ANK3: variants seen among roughly 807,000 people sequenced by gnomAD.
ANK3 encodes ankyrin-3.
ANK3 carries 57 observed loss-of-function variants against 370.9 expected under a neutral mutation model. The observed-to-expected ratio is 0.15, with a 90% CI of 0.12 to 0.19. The LOEUF (loss-of-function observed/expected upper bound fraction) is 0.19, where lower values mean the gene tolerates loss of function less well. ANK3 is among the 10% of genes least tolerant of loss of function. The pLI is 1.00. For synonymous variants in ANK3, 1,929 were observed against 1,946.3 expected (o/e 0.99, Z 0.23); for missense variants, 4,439 against 5,302.1 (o/e 0.84, Z 5.06).
chr10:60,460,304 G>A (rs1160806394), intron 2 of ANK3, among the ~76,000 whole-genome samples: 1 of 152,164 alleles, frequency 6.6e-6, no homozygotes, highest in Non-Finnish European at 1.5e-5. Flanking sequence ...CTGATGAAGA[G>A]GCCAGAAAGG....
chr10:60,321,389 AAAGAG>A (rs1268904928), intron 1 of ANK3, among the ~76,000 whole-genome samples: 1 of 61,248 alleles, frequency 1.6e-5, no homozygotes, highest in Non-Finnish European at 4.0e-5. Context: ...AGAAAAAAGA[AAAGAG>A]AAGAGAAGAA....
chr10:60,489,702 C>A (rs1177726672), intron 2 of ANK3, among the ~76,000 whole-genome samples: 1 of 152,066 alleles, frequency 6.6e-6, no homozygotes, highest in Admixed American at 6.6e-5. Context: ...TTTTTACAGT[C>A]ATATTTGCAT....
chr10:60,589,235 G>A (rs989884101), intron 2 of ANK3, among the ~76,000 whole-genome samples: 2 of 152,084 alleles, frequency 1.3e-5, no homozygotes, highest in African/African-American at 2.4e-5. Context: ...AAGAAATTAG[G>A]TACCAGTTAA....
At chr10:60,586,521 G>A (rs2077833923) in intron 2 of ANK3, among the ~76,000 whole-genome samples, 1 of 152,142 alleles carries the variant, frequency 6.6e-6, no homozygotes, top group African/African-American at 2.4e-5. Flanking sequence ...GTAACCAACT[G>A]AGACTTTGGA....
intron 2 of ANK3, among the ~76,000 whole-genome samples, chr10:60,460,829 A>G (rs750529165): frequency 2.6e-5 from 4 of 152,190 alleles, no homozygotes; most frequent in Non-Finnish European, 5.9e-5. Flanking sequence ...ATTATTGCTG[A>G]ATTTTATTAA....
intron 1 of ANK3, among the ~76,000 whole-genome samples, chr10:60,334,742 T>A (rs2052370628): frequency 6.6e-6 from 1 of 152,228 alleles, no homozygotes; most frequent in African/African-American, 2.4e-5. Flanking sequence ...AAGAGCCCAG[T>A]ACAGTCCCCT....
chr10:60,401,376 G>T (rs974740313), intron 2 of ANK3, among the ~76,000 whole-genome samples: 1 of 152,148 alleles, frequency 6.6e-6, no homozygotes, highest in African/African-American at 2.4e-5. Flanking sequence ...AGAGTGCAAA[G>T]ATCATGTTAA....
intron 1 of ANK3, among the ~76,000 whole-genome samples, chr10:60,303,614 AAG>A (rs1223489307): frequency 6.6e-6 from 1 of 152,188 alleles, no homozygotes; most frequent in Non-Finnish European, 1.5e-5. Flanking sequence ...ATGCAGAGAA[AAG>A]AGAACCCTGG....
chr10:60,349,105 G>A (rs1030525192), intron 1 of ANK3, among the ~76,000 whole-genome samples: 3 of 152,112 alleles, frequency 2.0e-5, no homozygotes, highest in Non-Finnish European at 4.4e-5. Context: ...CATCAGTACC[G>A]CCACAACTTA....
intron 2 of ANK3, among the ~76,000 whole-genome samples, chr10:60,446,192 T>A (rs548442356): frequency 2.3e-4 from 35 of 152,316 alleles, no homozygotes; most frequent in Middle Eastern, 6.8e-3. Flanking sequence ...CGAAGAGGTA[T>A]ATTTTAAAGA....
intron 1 of ANK3, among the ~76,000 whole-genome samples, chr10:60,322,292 A>G (rs1164567247): frequency 6.6e-6 from 1 of 152,166 alleles, no homozygotes; most frequent in Non-Finnish European, 1.5e-5. Context: ...GTCAAATAAG[A>G]TCACTAAAAT....
At chr10:60,406,574 C>T (rs963586172) in intron 2 of ANK3, among the ~76,000 whole-genome samples, 4 of 152,148 alleles carry the variant, frequency 2.6e-5, no homozygotes, top group Admixed American at 2.6e-4. Context: ...GAAGCATAGG[C>T]AGTAATGCTG....
chr10:60,155,741 A>G (rs979105893), intron 23 of ANK3, among the ~76,000 whole-genome samples: 1 of 152,218 alleles, frequency 6.6e-6, no homozygotes, highest in African/African-American at 2.4e-5. Flanking sequence ...AAAAGCAGGT[A>G]GAAGAACACA....
intron 14 of ANK3, 138 bp downstream of exon 14, chr10:60,198,202 G>T (rs1035746584): frequency 2.4e-6 from 2 of 832,382 alleles, no homozygotes; most frequent in East Asian, 2.7e-5. Context: ...ACAGAGCTTT[G>T]CTGGCCATAT....
At chr10:60,472,977 G>C (rs192684072) in intron 2 of ANK3, among the ~76,000 whole-genome samples, 1 of 152,082 alleles carries the variant, frequency 6.6e-6, no homozygotes, top group Admixed American at 6.6e-5. Flanking sequence ...CAGTTCCCCC[G>C]TCCTTCCCCA....
At chr10:60,293,291 C>A (rs553898628) in intron 1 of ANK3, among the ~76,000 whole-genome samples, 1 of 152,148 alleles carries the variant, frequency 6.6e-6, no homozygotes, top group African/African-American at 2.4e-5. Flanking sequence ...CATTTACATA[C>A]ATACCCTCGG....
intron 16 of ANK3, among the ~76,000 whole-genome samples, chr10:60,188,839 G>T (rs1246185595): frequency 6.6e-6 from 1 of 152,148 alleles, no homozygotes. Flanking sequence ...GCCCTCTGCT[G>T]GGACACACCC....
At chr10:60,126,483 TGA>T in intron 25 of ANK3, among the ~76,000 whole-genome samples, 1 of 152,014 alleles carries the variant, frequency 6.6e-6, no homozygotes, top group East Asian at 1.9e-4. Context: ...GCCAGGAGTT[TGA>T]GACCAACCTG....
chr10:60,068,011 T>C lies in ANK3; in HGVS notation c.12245-2A>G. Reference sequence around the variant, plus strand: ...TCCGTTCACATGGACTCTGTGGACCTACGATTTACAATTTCTTAATTAAAA... The same window carrying C: ...TCCGTTCACATGGACTCTGTGGACCCACGATTTACAATTTCTTAATTAAAA... On this transcript the variant is annotated splice_acceptor_variant, in intron 37 of 43. Coordinates refer to ENST00000280772, the MANE Select transcript of ANK3 (RefSeq NM_020987.5). LOFTEE classifies it high-confidence loss of function. 6.2e-7 allele frequency: 1 copy of C among 1,601,244 alleles called. No homozygotes were observed. Among genetic ancestry groups the C allele is most frequent in the Non-Finnish European group, 8.5e-7 (1 of 1,169,836 alleles).
Sources: allele counts gnomAD v4.1 joint callset (sites outside exome capture counted in the v4.1 genomes callset), GRCh38; gene constraint gnomAD v4.1.1; transcripts MANE v1.5; gene names NCBI Gene and HGNC (gene_info 2026-07-23, HGNC 2026-07-21).